Variants in NTM observed in about 807,000 individuals in gnomAD.
NTM encodes IgLON family member 2.
In NTM, 13 loss-of-function variants were observed where a neutral mutation model predicts 42.1. The ratio of observed to expected loss-of-function variants is 0.31; its 90% CI spans 0.20 to 0.49. NTM has a LOEUF of 0.49. Ranked by LOEUF, NTM falls within the 20% of genes least tolerant of loss-of-function variation. The pLI is 0.99. For missense variants in NTM, 373 were observed against 452.8 expected (o/e 0.82, Z 1.60); for synonymous variants, 187 against 179.2 (o/e 1.04, Z -0.35).
chr11:131,765,480 C>T (rs115394997), intron 1 of NTM, among the ~76,000 whole-genome samples: 144 of 152,246 alleles, frequency 9.5e-4, no homozygotes, highest in African/African-American at 3.2e-3. Context: ...TATTTTCTAT[C>T]TTATCCGCTT....
intron 1 of NTM, among the ~76,000 whole-genome samples, chr11:131,506,720 C>A (rs1466020592): frequency 6.6e-6 from 1 of 152,156 alleles, no homozygotes; most frequent in African/African-American, 2.4e-5. Context: ...AGGCAGTAGG[C>A]CCCTGGGAAA....
intron 3 of NTM, among the ~76,000 whole-genome samples, chr11:132,171,573 C>T (rs1352827081): frequency 6.6e-6 from 1 of 152,174 alleles, no homozygotes; most frequent in Non-Finnish European, 1.5e-5. Context: ...CCCTCAAAAA[C>T]CATCATCTTA....
Position 132,187,246 on chromosome 11 carries a change from T to TGTGTGC in NTM, c.401-24775_401-24774insTGTGCG, listed in dbSNP as rs1491538600. ...GTGTGTGTGTGTGTGTGTGTGTGTGTGCGTGTGCGTGTTTTAAGGATTGAA... is the reference window on the plus strand; with the variant it reads ...GTGTGTGTGTGTGTGTGTGTGTGTGTGTGTGCGCGTGTGCGTGTTTTAAGGATTGAA... On this transcript the variant is annotated intron_variant, in intron 3 of 8. Coordinates refer to ENST00000683400, the MANE Select transcript of NTM (RefSeq NM_001352005.2). Among the ~76,000 whole-genome samples, 38 of 145,666 alleles carry TGTGTGC rather than the reference T, an allele frequency of 2.6e-4. No homozygotes were observed. In the South Asian group the frequency reaches 4.5e-3, roughly 17 times the overall value.
chr11:131,702,314 A>T (rs2076158481), intron 1 of NTM, among the ~76,000 whole-genome samples: 1 of 152,234 alleles, frequency 6.6e-6, no homozygotes, highest in Non-Finnish European at 1.5e-5. Context: ...AAAAGTCAAC[A>T]TATAGTGAGT....
intron 3 of NTM, among the ~76,000 whole-genome samples, chr11:132,187,036 A>G (rs2078518866): frequency 6.6e-6 from 1 of 152,212 alleles, no homozygotes. Flanking sequence ...CAGGATCCAC[A>G]TCTGTTCAAT....
intron 1 of NTM, among the ~76,000 whole-genome samples, chr11:131,716,676 AATATTTTC>A (rs1250997743): frequency 6.6e-6 from 1 of 152,158 alleles, no homozygotes; most frequent in African/African-American, 2.4e-5. Flanking sequence ...TGCCTGTTCA[AATATTTTC>A]ATTGCTTTTC....
At chr11:131,672,150 T>A (rs789534) in intron 1 of NTM, among the ~76,000 whole-genome samples, 5 of 152,224 alleles carry the variant, frequency 3.3e-5, no homozygotes, top group African/African-American at 1.2e-4. Flanking sequence ...TCTTGGCAGG[T>A]GTGGGAGGAA....
rs946840452 is a variant in NTM at position 131,529,171 on chromosome 11, C to T, written c.82+158283C>T. Among the ~76,000 whole-genome samples, 25 of 152,202 alleles carry T rather than the reference C, an allele frequency of 1.6e-4. 1 individual carries two copies. The highest frequency in any genetic ancestry group is 1.2e-3 in the Admixed American group (18 of 15,280). On this transcript the variant is annotated intron_variant, in intron 1 of 8. Transcript: ENST00000683400. ...AGGTCAGGGAGCAGAATCCAGGCTG[C>T]GGCTAATGGCACAATTTGACATCCT...
At chr11:131,605,686 C>A in intron 1 of NTM, 1 of 537,820 alleles carries the variant, frequency 1.9e-6, no homozygotes, top group Non-Finnish European at 2.4e-6. Context: ...TTTGTATGTG[C>A]CCTTTATCAG....
At chr11:132,185,298 C>G (rs534848079) in intron 3 of NTM, among the ~76,000 whole-genome samples, 1 of 152,312 alleles carries the variant, frequency 6.6e-6, no homozygotes, top group East Asian at 1.9e-4. Flanking sequence ...GACATTTATG[C>G]ACACATTTTC....
At chr11:131,911,225 C>A in intron 1 of NTM, 2 of 1,391,676 alleles carry the variant, frequency 1.4e-6, no homozygotes, top group East Asian at 2.7e-5. Context: ...CCGGCGGAAG[C>A]AGCGAGGAGG....
Position 131,734,023 on chromosome 11 carries a change from A to G in NTM, c.83-177541A>G, listed in dbSNP as rs544271637. Among the ~76,000 whole-genome samples the G allele has an allele frequency of 2.0e-5, 3 of 152,294 alleles. No homozygotes were observed. In the South Asian group the frequency reaches 6.2e-4, roughly 32 times the overall value. On this transcript the variant is annotated intron_variant, in intron 1 of 8. Coordinates refer to ENST00000683400, the MANE Select transcript of NTM (RefSeq NM_001352005.2). Reference sequence around the variant, plus strand: ...TAATTATTTTTGGAATAACTTATTGACAAACAAATAATTCTTACAATAGCA... The same window carrying G: ...TAATTATTTTTGGAATAACTTATTGGCAAACAAATAATTCTTACAATAGCA...
chr11:132,314,022 A>AAATT (rs2095356123), intron 6 of NTM, among the ~76,000 whole-genome samples: 1 of 152,208 alleles, frequency 6.6e-6, no homozygotes, highest in African/African-American at 2.4e-5. Flanking sequence ...CATAGCCAAA[A>AAATT]AATTAAGTAT....
At chr11:131,989,617 C>G (rs1006241522) in intron 2 of NTM, among the ~76,000 whole-genome samples, 5 of 152,020 alleles carry the variant, frequency 3.3e-5, no homozygotes, top group African/African-American at 1.2e-4. Flanking sequence ...TAATGTGTAT[C>G]AGTCAGATTG....
chr11:131,895,844 T>A (rs2052180839), intron 1 of NTM, among the ~76,000 whole-genome samples: 1 of 152,166 alleles, frequency 6.6e-6, no homozygotes, highest in South Asian at 2.1e-4. Context: ...TAGAAAGCTG[T>A]GGATGGTAGG....
At chr11:131,725,662 A>G (rs574659414) in intron 1 of NTM, among the ~76,000 whole-genome samples, 1 of 152,354 alleles carries the variant, frequency 6.6e-6, no homozygotes, top group South Asian at 2.1e-4. Context: ...CCACTGGGTC[A>G]GAGAGGAAAA....
chr11:131,911,009 C>CA, intron 1 of NTM: 1 of 1,004,132 alleles, frequency 1.0e-6, no homozygotes, highest in Non-Finnish European at 1.2e-6. Context: ...CCGAAACTTA[C>CA]AAAGTGTTGG....
At chr11:132,080,366 G>T (rs572828077) in intron 2 of NTM, among the ~76,000 whole-genome samples, 80 of 152,342 alleles carry the variant, frequency 5.3e-4, no homozygotes, top group African/African-American at 1.8e-3. Context: ...TCAAAGAGCA[G>T]ACAGGGCTTA....
intron 1 of NTM, among the ~76,000 whole-genome samples, chr11:131,586,514 G>A (rs1592131503): frequency 6.6e-6 from 1 of 152,110 alleles, no homozygotes; most frequent in South Asian, 2.1e-4. Flanking sequence ...TCATATGAGT[G>A]AGCTTGAGGC....
Sources: gnomAD v4.1 joint callset for allele counts (sites outside exome capture counted in the v4.1 genomes callset) on GRCh38, gnomAD v4.1.1 for gene constraint, MANE v1.5 for transcripts, NCBI Gene and HGNC (gene_info 2026-07-23, HGNC 2026-07-21) for gene names.